Variants in CDHR3 observed in about 807,000 individuals in gnomAD.
CDHR3 encodes the protein cadherin-related family member 3.
In CDHR3, 79 loss-of-function variants were observed where a neutral mutation model predicts 86.6. That is an observed-to-expected ratio of 0.91 (90% CI 0.76 to 1.10). The LOEUF is 1.10. CDHR3 is among the 50% of genes least tolerant of loss of function. The pLI, the probability that CDHR3 is intolerant of heterozygous loss-of-function variation, is 0.00. For missense variants in CDHR3, 1,081 were observed against 1,077.6 expected (o/e 1.00, Z -0.04); for synonymous variants, 421 against 402.4 (o/e 1.05, Z -0.55).
chr7:105,973,391 G>C (rs1209486082), intron 1 of CDHR3, among the ~76,000 whole-genome samples: 1 of 152,164 alleles, frequency 6.6e-6, no homozygotes, highest in African/African-American at 2.4e-5. Flanking sequence ...TCACAGCTCA[G>C]AAGACCAAAA....
chr7:105,975,053 A>G lies in CDHR3; in HGVS notation c.249+7A>G, dbSNP rs1245766190. On this transcript the variant is annotated splice_region_variant and intron_variant, in intron 2 of 18. Transcript: ENST00000317716. ...GTCAGGCACCTACTTTGAGGTAAGT[A>G]ACAACTTACCAACATGAGTGTTGCC... 1.9e-6 allele frequency: 3 copies of G among 1,603,542 alleles called. No individual in the cohort carries two copies. The highest frequency in any genetic ancestry group is 1.7e-4 in the Middle Eastern group (1 of 6,060).
At chr7:106,027,383 T>G (rs1837521393) in intron 16 of CDHR3, among the ~76,000 whole-genome samples, 1 of 135,898 alleles carries the variant, frequency 7.4e-6, no homozygotes, top group Admixed American at 7.8e-5. Context: ...GGCGACATAG[T>G]GAGACTCTGT....
At chr7:106,032,330 G>C in intron 18 of CDHR3, 63 bp from the exon 19 acceptor site, 1 of 1,468,734 alleles carries the variant, frequency 6.8e-7, no homozygotes, top group South Asian at 1.3e-5. Context: ...GGGTAGAAGT[G>C]GGGGAAGAGA....
chr7:105,970,312 G>A (rs1390412907), intron 1 of CDHR3, among the ~76,000 whole-genome samples: 1 of 152,186 alleles, frequency 6.6e-6, no homozygotes, highest in Non-Finnish European at 1.5e-5. Flanking sequence ...AGCCCCATTG[G>A]TCCATTTCTG....
chr7:106,026,548 T>C, intron 15 of CDHR3, 134 bp from the exon 16 acceptor site: 1 of 853,518 alleles, frequency 1.2e-6, no homozygotes. Context: ...TTCTGGCCCC[T>C]ATCCCTGGCA....
At chr7:105,984,716 A>T (rs535665323) in intron 4 of CDHR3, among the ~76,000 whole-genome samples, 43 of 152,288 alleles carry the variant, frequency 2.8e-4, no homozygotes, top group Admixed American at 1.1e-3. Context: ...TGTACACCCC[A>T]AATCCAAGCA....
intron 2 of CDHR3, among the ~76,000 whole-genome samples, chr7:105,980,163 T>G (rs373833452): frequency 6.6e-6 from 1 of 152,266 alleles, no homozygotes; most frequent in Non-Finnish European, 1.5e-5. Context: ...GATGTATCTT[T>G]CATCTCTTGT....
chr7:106,029,883 T>C (rs1289786489), intron 17 of CDHR3, among the ~76,000 whole-genome samples: 2 of 152,202 alleles, frequency 1.3e-5, no homozygotes, highest in Admixed American at 1.3e-4. Flanking sequence ...CACTTAGCGA[T>C]TGCTCTAGAA....
chr7:105,976,945 G>T (rs1828908276), intron 2 of CDHR3, among the ~76,000 whole-genome samples: 2 of 150,866 alleles, frequency 1.3e-5, no homozygotes. Flanking sequence ...CTTTGAATTT[G>T]CATAGAGGCT....
chr7:106,015,072 G>A lies in CDHR3; in HGVS notation c.1225-39G>A, dbSNP rs770344933. The A allele has an allele frequency of 4.4e-5, 66 of 1,497,466 alleles. 1 individual carries two copies. The highest frequency in any genetic ancestry group is 3.4e-4 in the Middle Eastern group (2 of 5,874). The allele number at this position is 1,497,466 out of a possible 1,614,324, so 92.8% of individuals were successfully genotyped here. On this transcript the variant is annotated intron_variant, in intron 9 of 18. Transcript: ENST00000317716. ...CTCTCGCAGCCCAATAAATAGGATTGTTTAATCTGTATAATCTACTATCTC... is the reference window on the plus strand; with the variant it reads ...CTCTCGCAGCCCAATAAATAGGATTATTTAATCTGTATAATCTACTATCTC...
intron 2 of CDHR3, among the ~76,000 whole-genome samples, chr7:105,975,610 GTT>G (rs1828682448): frequency 6.6e-6 from 1 of 152,208 alleles, no homozygotes. Context: ...CTGCTGCTCT[GTT>G]TTCTAGTTTG....
chr7:106,019,935 G>A (rs542166725), intron 12 of CDHR3, among the ~76,000 whole-genome samples: 1 of 152,332 alleles, frequency 6.6e-6, no homozygotes, highest in South Asian at 2.1e-4. Context: ...CCATTTACAA[G>A]GGGCAGCAGG....
intron 7 of CDHR3, 62 bp downstream of exon 7, chr7:106,001,672 A>C: frequency 6.3e-7 from 1 of 1,593,520 alleles, no homozygotes; most frequent in East Asian, 2.2e-5. Flanking sequence ...ATTGTCTTAC[A>C]ATGTAGTTGT....
At chr7:106,012,836 T>C (rs1835026568) in intron 8 of CDHR3, 24 bp from the exon 9 acceptor site, 3 of 1,577,060 alleles carry the variant, frequency 1.9e-6, no homozygotes, top group Non-Finnish European at 2.6e-6. Context: ...TTGGGGGAAA[T>C]ACTGGATTGT....
At chr7:105,980,560 G>A (rs1829489784) in intron 2 of CDHR3, among the ~76,000 whole-genome samples, 1 of 139,372 alleles carries the variant, frequency 7.2e-6, no homozygotes, top group Non-Finnish European at 1.5e-5. Context: ...GATTTTTCTA[G>A]GAGCCTACCC....
At chr7:105,998,505 T>C (rs575591423) in intron 6 of CDHR3, among the ~76,000 whole-genome samples, 2 of 152,336 alleles carry the variant, frequency 1.3e-5, no homozygotes, top group South Asian at 4.1e-4. Context: ...TAAAAGCACC[T>C]GACACACCGG....
rs201930823 is a variant in CDHR3, at chr7:106,001,568, T to A, written c.820T>A (p.Tyr274Asn). ...TGAAGGTTTTCCCAGCCACCTCCTC[T>A]ACAGCATTACCACTGTTAGCAAATA... ...DDEGFPSHLL[Y>N]SITTVSKYFM... Residue 274 changes from tyrosine to asparagine, a missense_variant, in exon 7 of 19, where the codon TAC becomes AAC. By Grantham distance (143) the Tyr-to-Asn change is moderately radical (BLOSUM62 -2). Transcript: ENST00000317716. 3.3e-5 allele frequency: 53 copies of A among 1,614,040 alleles called. No homozygotes were observed. The African/African-American group carries it at 6.7e-4, about 20-fold the overall frequency.
intron 8 of CDHR3, among the ~76,000 whole-genome samples, chr7:106,010,789 A>G (rs2115832338): frequency 6.6e-6 from 1 of 152,346 alleles, no homozygotes; most frequent in East Asian, 1.9e-4. Flanking sequence ...ATGGGGAGAG[A>G]GATGGACAAG....
intron 8 of CDHR3, among the ~76,000 whole-genome samples, chr7:106,006,910 G>C (rs2115814129): frequency 6.6e-6 from 1 of 152,342 alleles, no homozygotes. Context: ...CCCTAGCAGA[G>C]GTTCTCCATG....
Sources: allele counts gnomAD v4.1 joint callset (sites outside exome capture counted in the v4.1 genomes callset), GRCh38; gene constraint gnomAD v4.1.1; transcripts MANE v1.5; gene names NCBI Gene and HGNC (gene_info 2026-07-23, HGNC 2026-07-21).